Variants in DNAH12 observed in about 807,000 individuals in gnomAD.
The protein encoded by DNAH12 is dynein axonemal heavy chain 12.
DNAH12 carries 285 observed loss-of-function variants against 371.5 expected under a neutral mutation model. The observed-to-expected ratio is 0.77, with a 90% CI of 0.70 to 0.85. The LOEUF is 0.85. DNAH12 is among the 40% of genes least tolerant of loss of function. The probability of loss-of-function intolerance (pLI) is 0.00; values close to 1 mark genes in which losing one functional copy is unlikely to be tolerated. For synonymous variants in DNAH12, 1,200 were observed against 1,213.0 expected, an observed-to-expected ratio of 0.99 and a Z score of 0.22; for missense variants, 3,611 against 3,689.4, an observed-to-expected ratio of 0.98 and a Z score of 0.55.
At chr3:57,301,048 G>C (rs2061333201) in intron 70 of DNAH12, among the ~76,000 whole-genome samples, 1 of 151,930 alleles carries the variant, frequency 6.6e-6, no homozygotes, top group African/African-American at 2.4e-5. Context: ...CCAGTGCTTT[G>C]GGAGGCCAAG....
At chr3:57,394,515 T>G (rs1222581833) in intron 43 of DNAH12, among the ~76,000 whole-genome samples, 183 bp from the exon 44 acceptor site, 1 of 152,216 alleles carries the variant, frequency 6.6e-6, no homozygotes, top group African/African-American at 2.4e-5. Context: ...AGATCCAAAC[T>G]GGTCAGAGTT....
chr3:57,313,020 A>G (rs1334598058), intron 66 of DNAH12, among the ~76,000 whole-genome samples: 2 of 152,238 alleles, frequency 1.3e-5, no homozygotes, highest in African/African-American at 4.8e-5. Context: ...ATTAGACTTT[A>G]TCAATGCTTC....
intron 8 of DNAH12, among the ~76,000 whole-genome samples, chr3:57,506,626 G>A (rs937038663): frequency 4.6e-5 from 7 of 152,180 alleles, no homozygotes; most frequent in Admixed American, 1.3e-4. Context: ...ATTTTTAGTA[G>A]AGAGGAGGTT....
At chr3:57,363,902 T>C (rs1261710256) in intron 57 of DNAH12, 116 bp from the exon 58 acceptor site, 2 of 152,058 alleles carry the variant, frequency 1.3e-5, no homozygotes, top group African/African-American at 4.8e-5. Flanking sequence ...GTTAATTGCT[T>C]TAAGGGAAGA....
chr3:57,334,779 C>T lies in DNAH12; in HGVS notation c.9833+3G>A, dbSNP rs148080392. ...TGATAAATCATCGAATTTAAACAAT[C>T]ACCTGAGTCCTCTGAAGGCAGGAAA... On this transcript the variant is annotated splice_donor_region_variant and intron_variant, in intron 61 of 73. Transcript: ENST00000495027. The T allele has an allele frequency of 6.7e-4, 1,026 of 1,541,532 alleles. 7 individuals are homozygous for T. The African/African-American group carries it at 0.012, about 19-fold the overall frequency.
intron 62 of DNAH12, among the ~76,000 whole-genome samples, chr3:57,327,076 T>A (rs2061966626): frequency 1.3e-5 from 2 of 151,368 alleles, no homozygotes; most frequent in African/African-American, 4.8e-5. Context: ...CTGAGTGACC[T>A]ACAAAGAGAC....
chr3:57,297,384 C>A, intron 70 of DNAH12: 1 of 173,360 alleles, frequency 5.8e-6, no homozygotes, highest in Non-Finnish European at 1.2e-5. Context: ...GAGATGAAAT[C>A]GCGCACCATT....
intron 43 of DNAH12, among the ~76,000 whole-genome samples, chr3:57,399,819 T>A (rs1168004941): frequency 1.3e-5 from 2 of 152,230 alleles, no homozygotes; most frequent in Non-Finnish European, 2.9e-5. Context: ...ATAGTCAATA[T>A]ATGTTTCTTC....
chr3:57,340,309 AAAAT>A (rs782185430), intron 60 of DNAH12, among the ~76,000 whole-genome samples: 82 of 152,228 alleles, frequency 5.4e-4, no homozygotes, highest in Admixed American at 7.8e-4. Flanking sequence ...AAAGGAAAAA[AAAAT>A]AAAAAGCAGA....
chr3:57,301,931 A>G lies in DNAH12; in HGVS notation c.11198T>C (p.Ile3733Thr). Reference sequence around the variant, plus strand: ...GTCCCGTAGAGTGTTACGTATAGTTATAATTAAACTGCAATGAAAGAAATT... The same window carrying G: ...GTCCCGTAGAGTGTTACGTATAGTTGTAATTAAACTGCAATGAAAGAAATT... ...QEMERFNNLI[I>T]TIRNTLRDLE... is the part of the protein sequence containing the mutation. Residue 3733 changes from isoleucine (I) to threonine (T), a missense_variant, in exon 70 of 74, where the codon ATA becomes ACA. Ile to Thr is a moderately conservative substitution (Grantham distance 89). This residue lies in a region of DNAH12 where 2,266 missense variants were observed against 2,236.9 expected (regional missense o/e 1.01). Coordinates refer to ENST00000495027, the MANE Select transcript of DNAH12 (RefSeq NM_001366028.2). 3 of 1,551,500 alleles carry G rather than the reference A, an allele frequency of 1.9e-6. No individual in the cohort carries two copies. The highest frequency in any genetic ancestry group is 1.2e-5 in the South Asian group (1 of 84,022).
At chr3:57,326,358 C>A (rs550830193) in intron 62 of DNAH12, among the ~76,000 whole-genome samples, 1 of 152,338 alleles carries the variant, frequency 6.6e-6, no homozygotes, top group South Asian at 2.1e-4. Flanking sequence ...AACAGCTGAG[C>A]TCTCGGCAGA....
At chr3:57,309,018 A>G (rs1406011966) in intron 69 of DNAH12, 133 bp downstream of exon 69, 3 of 586,964 alleles carry the variant, frequency 5.1e-6, no homozygotes, top group East Asian at 3.2e-5. Context: ...AGCAGCCCTG[A>G]GAAACATCGC....
At chr3:57,420,980 G>A (rs2064561454) in intron 36 of DNAH12, among the ~76,000 whole-genome samples, 1 of 148,972 alleles carries the variant, frequency 6.7e-6, no homozygotes, top group Non-Finnish European at 1.5e-5. Context: ...TTCACTTTTA[G>A]AGATTACTTT....
At chr3:57,540,890 A>C (rs771876047) in intron 2 of DNAH12, among the ~76,000 whole-genome samples, 1 of 151,948 alleles carries the variant, frequency 6.6e-6, no homozygotes, top group Non-Finnish European at 1.5e-5. Flanking sequence ...AGATCGTGCC[A>C]CTATACTCCA....
intron 60 of DNAH12, among the ~76,000 whole-genome samples, chr3:57,347,923 G>A (rs1236493022): frequency 1.3e-5 from 2 of 152,084 alleles, no homozygotes; most frequent in Non-Finnish European, 2.9e-5. Context: ...TGGTGGAGAC[G>A]CTAAATGGTA....
At chr3:57,441,150 T>C (rs2065292669) in intron 29 of DNAH12, among the ~76,000 whole-genome samples, 1 of 151,996 alleles carries the variant, frequency 6.6e-6, no homozygotes, top group Admixed American at 6.6e-5. Context: ...ATAAAAAGAA[T>C]AGATTATAAG....
chr3:57,483,700 C>G (rs756929951), intron 12 of DNAH12, among the ~76,000 whole-genome samples, 189 bp from the exon 13 acceptor site: 1 of 151,892 alleles, frequency 6.6e-6, no homozygotes, highest in Non-Finnish European at 1.5e-5. Context: ...AATCATAGCA[C>G]TTTGAAAGGC....
rs562772512 is a variant in DNAH12 at position 57,478,878 on chromosome 3, A to C, written c.1650+4498T>G. On this transcript the variant is annotated intron_variant, in intron 13 of 73. Coordinates refer to ENST00000495027, the MANE Select transcript of DNAH12 (RefSeq NM_001366028.2). ...ACTTTACAGACAAGCAAATGCTGAG[A>C]GATTTTGTCACCACCAGGCCTGCCC... 1.4e-4 allele frequency among the ~76,000 whole-genome samples: 22 copies of C among 152,268 alleles called. No individual in the cohort carries two copies. In the South Asian group the frequency reaches 2.3e-3, roughly 16 times the overall value.
intron 23 of DNAH12, among the ~76,000 whole-genome samples, chr3:57,453,620 C>T (rs1385621989): frequency 6.6e-6 from 1 of 151,720 alleles, no homozygotes; most frequent in Non-Finnish European, 1.5e-5. Flanking sequence ...TCTCTGTCGC[C>T]CAGGCTGCGG....
Sources: allele counts gnomAD v4.1 joint callset (sites outside exome capture counted in the v4.1 genomes callset), GRCh38; gene constraint gnomAD v4.1.1; regional missense constraint gnomAD v4.1.1; transcripts MANE v1.5; gene names NCBI Gene and HGNC (gene_info 2026-07-23, HGNC 2026-07-21).